RIF1: variants seen among roughly 807,000 people sequenced by gnomAD.
The protein encoded by RIF1 is telomere-associated protein RIF1.
A neutral mutation model predicts 247.1 loss-of-function variants in RIF1; 45 were observed. That is an observed-to-expected ratio of 0.18 (90% confidence interval 0.14 to 0.23). RIF1 has a LOEUF of 0.23. Among genes scored for constraint, RIF1 ranks in the 10% least tolerant of loss-of-function variants. The pLI is 1.00. For missense variants in RIF1, 2,967 were observed against 2,862.5 expected (o/e 1.04, Z -0.83); for synonymous variants, 1,087 against 978.8 (o/e 1.11, Z -2.06).
At chr2:151,499,097 CTT>C (rs927526327) in intron 10 of RIF1, among the ~76,000 whole-genome samples, 2 of 151,954 alleles carry the variant, frequency 1.3e-5, no homozygotes, top group East Asian at 3.8e-4. Flanking sequence ...ATACTGAACA[CTT>C]TTTTTATTAA....
chr2:151,457,633 A>G (rs910678833), intron 23 of RIF1, 128 bp from the exon 24 acceptor site: 2 of 634,910 alleles, frequency 3.2e-6, no homozygotes, highest in Non-Finnish European at 5.5e-6. Context: ...ATAAAGAGGG[A>G]TATATATTTA....
intron 10 of RIF1, among the ~76,000 whole-genome samples, chr2:151,434,437 ATTTTTT>A (rs754795986): frequency 9.3e-6 from 1 of 107,034 alleles, no homozygotes. Context: ...TGGTTTTTGA[ATTTTTT>A]TTTTTTTTTT....
downstream of RIF1, among the ~76,000 whole-genome samples, chr2:151,509,141 T>A (rs1394931055): frequency 6.6e-6 from 1 of 152,194 alleles, no homozygotes. Flanking sequence ...TATTGAAATT[T>A]GTAATCTTGC....
At chr2:151,411,147 A>C in intron 2 of RIF1, 113 bp from the exon 3 acceptor site, 1 of 675,448 alleles carries the variant, frequency 1.5e-6, no homozygotes, top group Admixed American at 2.8e-5. Context: ...TACTGGGTCA[A>C]TTCATTTGCA....
intron 20 of RIF1, 101 bp downstream of exon 20, chr2:151,446,676 A>G (rs1407303358): frequency 1.5e-5 from 17 of 1,153,152 alleles, no homozygotes; most frequent in South Asian, 9.3e-5. Flanking sequence ...TACTGCCTCT[A>G]TTTATATGTG....
rs1045703332 is a variant in RIF1 at position 151,468,776 on chromosome 2, T to G, written c.6941+20T>G. 6.5e-7 allele frequency: 1 copy of G among 1,527,156 alleles called. No individual in the cohort carries two copies. The highest frequency in any genetic ancestry group is 9.1e-7 in the Non-Finnish European group (1 of 1,101,010). 94.6% of individuals were successfully genotyped at this position (1,527,156 alleles called of 1,614,324 possible). ...CATGTGGTAAGTGGTTATTTAGGCT[T>G]CTTGCTTATATTCCAAGATGCCACT... is the stretch of plus-strand genomic sequence containing the variant. On this transcript the variant is annotated intron_variant, in intron 33 of 35. Coordinates refer to ENST00000444746, the MANE Select transcript of RIF1 (RefSeq NM_018151.5).
intron 12 of RIF1, among the ~76,000 whole-genome samples, chr2:151,504,380 C>A (rs2067137440): frequency 6.6e-6 from 1 of 152,054 alleles, no homozygotes; most frequent in African/African-American, 2.4e-5. Flanking sequence ...GACAACAGCA[C>A]AAAGCAAAAT....
chr2:151,529,224 T>G, the RIF1 span: 1 of 1,611,762 alleles, frequency 6.2e-7, no homozygotes, highest in African/African-American at 1.3e-5. Flanking sequence ...GTGTTGACTT[T>G]GTAGGCGTCC....
At chr2:151,533,849 G>A in the RIF1 span, among the ~76,000 whole-genome samples, 1 of 152,236 alleles carries the variant, frequency 6.6e-6, no homozygotes, top group African/African-American at 2.4e-5. Flanking sequence ...ATAGTAAGGA[G>A]TTATGTCTTC....
At chr2:151,506,009 A>T (rs1397244047) in intron 12 of RIF1, 5 of 698,502 alleles carry the variant, frequency 7.2e-6, no homozygotes, top group Non-Finnish European at 1.0e-5. Flanking sequence ...ACTGAATATG[A>T]GATGACTCTA....
At chr2:151,499,034 A>T (rs1476687299) in intron 10 of RIF1, among the ~76,000 whole-genome samples, 1 of 152,052 alleles carries the variant, frequency 6.6e-6, no homozygotes, top group Non-Finnish European at 1.5e-5. Context: ...AAAGCAGTAT[A>T]AATGTGGATG....
rs1334377572 is a variant in RIF1 at position 151,451,730 on chromosome 2, G to T, written c.2344+25G>T. The T allele has an allele frequency of 4.2e-6, 5 of 1,194,470 alleles. No homozygotes were observed. The Admixed American group carries it at 6.8e-5, about 16-fold the overall frequency. The allele number at this position is 1,194,470 out of a possible 1,614,324, so 74.0% of individuals were successfully genotyped here. On this transcript the variant is annotated intron_variant, in intron 21 of 35. Coordinates refer to ENST00000444746, the MANE Select transcript of RIF1 (RefSeq NM_018151.5). Reference sequence around the variant, plus strand: ...TGTAAGTATGTATTTTTTAACCTTTGTTTGTCCAGTATTTCATAAGCAGTA... The same window carrying T: ...TGTAAGTATGTATTTTTTAACCTTTTTTTGTCCAGTATTTCATAAGCAGTA...
At chr2:151,417,245 T>A (rs2088615059) in intron 6 of RIF1, among the ~76,000 whole-genome samples, 1 of 152,182 alleles carries the variant, frequency 6.6e-6, no homozygotes, top group African/African-American at 2.4e-5. Flanking sequence ...AGGAAGGCAG[T>A]CAGTGTTTAG....
intron 7 of RIF1, among the ~76,000 whole-genome samples, chr2:151,422,121 C>T (rs1248951015): frequency 4.6e-5 from 7 of 152,202 alleles, no homozygotes; most frequent in Non-Finnish European, 7.4e-5. Context: ...TGAGCCACTG[C>T]GCCTGACCAT....
At chr2:151,446,315 A>G in intron 19 of RIF1, 111 bp from the exon 20 acceptor site, 1 of 949,596 alleles carries the variant, frequency 1.1e-6, no homozygotes, top group Non-Finnish European at 1.6e-6. Flanking sequence ...GTCTTTTTTG[A>G]CACACTAAAT....
intron 34 of RIF1, among the ~76,000 whole-genome samples, chr2:151,472,295 A>G (rs1048504140): frequency 1.3e-5 from 2 of 152,192 alleles, no homozygotes; most frequent in African/African-American, 4.8e-5. Context: ...TTTTCTAGAT[A>G]TACAATCATG....
Position 151,462,272 on chromosome 2 carries a change from G to A in RIF1, c.3258G>A (p.Leu1086=), listed in dbSNP as rs1365877243. ...ATATTCCTGCCATGTATAATAATCTGGATGTTTCCCAAGATACCTTATTTA... is the reference window on the plus strand; with the variant it reads ...ATATTCCTGCCATGTATAATAATCTAGATGTTTCCCAAGATACCTTATTTA... ...RCDIPAMYNN[L]DVSQDTLFTQ... is the part of the protein sequence containing the mutation. Residue 1086 remains leucine, a synonymous_variant, in exon 28 of 36, where the codon CTG becomes CTA. Coordinates refer to ENST00000444746, the MANE Select transcript of RIF1 (RefSeq NM_018151.5). The A allele has an allele frequency of 6.3e-7, 1 of 1,587,898 alleles. No homozygotes were observed. Among genetic ancestry groups the A allele is most frequent in the African/African-American group, 1.3e-5 (1 of 74,508 alleles).
chr2:151,456,717 G>A, intron 23 of RIF1, 97 bp downstream of exon 23: 1 of 698,736 alleles, frequency 1.4e-6, no homozygotes, highest in Non-Finnish European at 2.3e-6. Context: ...GATTTTTAAA[G>A]GGGTTATTCC....
At chr2:151,496,966 T>C (rs1353177692) in intron 10 of RIF1, 1 of 1,580,008 alleles carries the variant, frequency 6.3e-7, no homozygotes, top group South Asian at 1.2e-5. Context: ...TTGATTGTGT[T>C]TGACTCTCTC....
Sources: allele counts gnomAD v4.1 joint callset (sites outside exome capture counted in the v4.1 genomes callset), GRCh38; gene constraint gnomAD v4.1.1; transcripts MANE v1.5; gene names NCBI Gene and HGNC (gene_info 2026-07-23, HGNC 2026-07-21).